The following EML6 variants were observed in gnomAD, a reference collection of about 807,000 sequenced individuals.
The protein encoded by EML6 is EMAP like 6.
Under a neutral mutation model 240.1 loss-of-function variants are expected in EML6, and 154 were observed. The observed-to-expected ratio is 0.64, with a 90% CI of 0.56 to 0.73. EML6 has a LOEUF of 0.73. Ranked by LOEUF, EML6 falls within the 30% of genes least tolerant of loss-of-function variation. The pLI is 0.00. For missense variants in EML6, 2,964 were observed against 2,474.6 expected, an observed-to-expected ratio of 1.20 and a Z score of -4.20; for synonymous variants, 1,148 against 899.0, an observed-to-expected ratio of 1.28 and a Z score of -4.95.
chr2:54,836,259 T>C (rs1669136345), intron 7 of EML6, among the ~76,000 whole-genome samples: 1 of 152,180 alleles, frequency 6.6e-6, no homozygotes, highest in Non-Finnish European at 1.5e-5. Context: ...TTAGCCAGCC[T>C]TATGTAAAAG....
At chr2:54,747,766 T>C (rs555182166) in intron 2 of EML6, among the ~76,000 whole-genome samples, 6 of 152,324 alleles carry the variant, frequency 3.9e-5, no homozygotes, top group African/African-American at 1.4e-4. Context: ...CCCATGTTAT[T>C]TATCCTTAAG....
At chr2:54,846,536 TGTA>T (rs2103705645) in intron 8 of EML6, among the ~76,000 whole-genome samples, 1 of 151,128 alleles carries the variant, frequency 6.6e-6, no homozygotes, top group East Asian at 1.9e-4. Context: ...CAGGCTGGAG[TGTA>T]GTAGTATGAA....
At chr2:54,935,709 T>A (rs1675101346) in intron 28 of EML6, among the ~76,000 whole-genome samples, 1 of 152,212 alleles carries the variant, frequency 6.6e-6, no homozygotes, top group Non-Finnish European at 1.5e-5. Flanking sequence ...TTCGCATATA[T>A]CTTTAAAAAT....
intron 28 of EML6, among the ~76,000 whole-genome samples, chr2:54,934,861 A>T (rs1002100935): frequency 3.3e-5 from 5 of 152,150 alleles, no homozygotes; most frequent in African/African-American, 1.2e-4. Context: ...CAAAAAATAT[A>T]TTTTTTTACA....
chr2:54,859,757 G>A (rs1670578238), intron 12 of EML6, 56 bp downstream of exon 12: 2 of 1,430,436 alleles, frequency 1.4e-6, no homozygotes, highest in Non-Finnish European at 9.4e-7. Flanking sequence ...GCATTTCAAA[G>A]AATGGTCTAA....
intron 28 of EML6, among the ~76,000 whole-genome samples, chr2:54,932,339 A>C (rs1241471972): frequency 6.6e-6 from 1 of 152,184 alleles, no homozygotes; most frequent in Non-Finnish European, 1.5e-5. Flanking sequence ...TGTGTGGCTG[A>C]GGAAAGTCAT....
At chr2:54,922,605 G>C (rs560263779) in intron 26 of EML6, among the ~76,000 whole-genome samples, 1 of 152,292 alleles carries the variant, frequency 6.6e-6, no homozygotes, top group South Asian at 2.1e-4. Flanking sequence ...GTTCATTACA[G>C]CATTATTTAC....
At chr2:54,872,210 C>A (rs903905724) in intron 16 of EML6, among the ~76,000 whole-genome samples, 14 of 152,166 alleles carry the variant, frequency 9.2e-5, no homozygotes, top group Admixed American at 8.5e-4. Flanking sequence ...AGTGAGTGTT[C>A]TTTAAGTTGG....
chr2:54,942,775 C>G (rs1481358706), intron 28 of EML6, among the ~76,000 whole-genome samples: 1 of 152,200 alleles, frequency 6.6e-6, no homozygotes, highest in Admixed American at 6.5e-5. Flanking sequence ...TCCTTTGTCC[C>G]TCAGTGTCTT....
intron 28 of EML6, among the ~76,000 whole-genome samples, chr2:54,947,231 A>G (rs927384462): frequency 1.4e-4 from 21 of 152,210 alleles, no homozygotes; most frequent in Non-Finnish European, 3.1e-4. Context: ...CCACTAAAAC[A>G]GAAGAAAGAG....
At chr2:54,882,976 C>G (rs1671919358) in intron 17 of EML6, 2 of 151,670 alleles carry the variant, frequency 1.3e-5, no homozygotes, top group Non-Finnish European at 2.9e-5. Flanking sequence ...TTTTAGGTCC[C>G]TACCTTTACA....
At chr2:54,786,928 C>T (rs553674442) in intron 2 of EML6, among the ~76,000 whole-genome samples, 1 of 152,296 alleles carries the variant, frequency 6.6e-6, no homozygotes, top group South Asian at 2.1e-4. Context: ...AAGCCTTTTT[C>T]TCTCGGGCTT....
At chr2:54,871,450 T>C in intron 15 of EML6, 50 bp from the exon 16 acceptor site, 1 of 1,386,706 alleles carries the variant, frequency 7.2e-7, no homozygotes, top group Non-Finnish European at 1.0e-6. Flanking sequence ...AACAAAATCA[T>C]TGTTAGTATA....
At chr2:54,829,251 C>T in intron 6 of EML6, 91 bp from the exon 7 acceptor site, 2 of 1,281,242 alleles carry the variant, frequency 1.6e-6, no homozygotes, top group Non-Finnish European at 2.1e-6. Context: ...TTGTTTTTGA[C>T]TTGCTATGTT....
At chr2:54,926,749 A>G (rs1440248517) in intron 26 of EML6, among the ~76,000 whole-genome samples, 2 of 152,118 alleles carry the variant, frequency 1.3e-5, no homozygotes, top group East Asian at 1.9e-4. Context: ...GCCTTGTTAT[A>G]TCTCTTCAGT....
chr2:54,759,726 A>G (rs553524188), intron 2 of EML6, among the ~76,000 whole-genome samples: 50 of 152,216 alleles, frequency 3.3e-4, no homozygotes, highest in African/African-American at 1.1e-3. Flanking sequence ...GTGAATGCTC[A>G]GGAGAGAGCA....
chr2:54,962,094 T>TC (rs1676546301), intron 35 of EML6, among the ~76,000 whole-genome samples: 1 of 148,170 alleles, frequency 6.7e-6, no homozygotes, highest in Non-Finnish European at 1.5e-5. Context: ...TTTTTTTTTT[T>TC]TTTTTAAAGA....
intron 2 of EML6, among the ~76,000 whole-genome samples, chr2:54,787,039 C>G (rs1365805059): frequency 4.6e-5 from 7 of 152,086 alleles, no homozygotes; most frequent in African/African-American, 1.4e-4. Context: ...GACTTAGGTT[C>G]TTTTTGAAAG....
chr2:54,847,690 C>T, intron 9 of EML6, 67 bp downstream of exon 9: 1 of 1,509,698 alleles, frequency 6.6e-7, no homozygotes, highest in Non-Finnish European at 9.0e-7. Context: ...TTTTCCTGGT[C>T]ATAATACATG....
Sources: allele counts gnomAD v4.1 joint callset (sites outside exome capture counted in the v4.1 genomes callset), GRCh38; gene constraint gnomAD v4.1.1; transcripts MANE v1.5; gene names NCBI Gene and HGNC (gene_info 2026-07-23, HGNC 2026-07-21).